The following DCHS1 variants were observed in gnomAD, a reference collection of about 807,000 sequenced individuals.
The protein encoded by DCHS1 is dachsous cadherin-related 1.
A neutral mutation model predicts 213.9 loss-of-function variants in DCHS1; 78 were observed. The observed-to-expected ratio is 0.36, with a 90% CI of 0.30 to 0.44. The LOEUF (loss-of-function observed/expected upper bound fraction) is 0.44. DCHS1 is among the 20% of genes least tolerant of loss of function. DCHS1 has a pLI of 1.00. For synonymous variants in DCHS1, 1,828 were observed against 1,873.7 expected, an observed-to-expected ratio of 0.98 and a Z score of 0.63; for missense variants, 3,946 against 4,395.9, an observed-to-expected ratio of 0.90 and a Z score of 2.89.
Position 6,628,523 on chromosome 11 carries a change from G to A in DCHS1, c.5371+98C>T. ...AGGTGGACGACATCAAGAGGGAAAA[G>A]GAGACCCAGACACATGCACTGAGGC... On this transcript the variant is annotated intron_variant, in intron 13 of 20. Transcript: ENST00000299441. The surrounding 1 kb of genome is among the most constrained non-coding windows in gnomAD (Gnocchi z 4.3). 1.5e-6 allele frequency: 2 copies of A among 1,376,476 alleles called. No individual in the cohort carries two copies. The highest frequency in any genetic ancestry group is 2.1e-6 in the Non-Finnish European group (2 of 974,700). The allele number at this position is 1,376,476 out of a possible 1,614,324, so 85.3% of individuals were successfully genotyped here.
intron 1 of DCHS1, among the ~76,000 whole-genome samples, chr11:6,652,061 G>C (rs1417409298): frequency 2.0e-5 from 3 of 152,192 alleles, no homozygotes; most frequent in Non-Finnish European, 4.4e-5. Context: ...AGAACTTTAA[G>C]GAACAGTGAC....
rs1855805992 is a variant in DCHS1 at position 6,626,457 on chromosome 11, A to C, written c.6365-77T>G. 3 of 1,603,916 alleles carry C rather than the reference A, an allele frequency of 1.9e-6. No homozygotes were observed. The highest frequency in any genetic ancestry group is 2.6e-6 in the Non-Finnish European group (3 of 1,172,968). ...CTCCTTCTCTAAGACCCCTTACTCA[A>C]GGACAGCCCTTCACCCATCAAAGGC... On this transcript the variant is annotated intron_variant, in intron 15 of 20. Coordinates refer to ENST00000299441, the MANE Select transcript of DCHS1 (RefSeq NM_003737.4). This position sits in a 1 kb window ranked among gnomAD's most constrained non-coding sequence, Gnocchi z 5.2.
intron 2 of DCHS1, among the ~76,000 whole-genome samples, chr11:6,637,612 C>T (rs1159505043): frequency 9.9e-5 from 15 of 151,862 alleles, no homozygotes; most frequent in Non-Finnish European, 2.9e-5. Context: ...CCTCTGTGCA[C>T]CTCACCTCTG....
In DCHS1 at chr11:6,633,467, T is replaced by C. The variant is rs747546383; in HGVS notation, c.2400A>G (p.Pro800=). 2 of 1,573,122 alleles carry C rather than the reference T, an allele frequency of 1.3e-6. No homozygotes were observed. The highest frequency in any genetic ancestry group is 2.3e-5 in the East Asian group (1 of 42,846). The change falls in exon 5 of 21, where the codon CCA becomes CCG. Residue 800 remains proline, a synonymous_variant. Coordinates refer to ENST00000299441, the MANE Select transcript of DCHS1 (RefSeq NM_003737.4). The part of the protein sequence containing the change: ...FEQLQYVFSV[P]EDVAPGTSVG... Reference sequence around the variant, plus strand: ...CACTGGTGCCTGGTGCCACATCCTCTGGCACAGAAAAAACATACTGTAGTT... The same window carrying C: ...CACTGGTGCCTGGTGCCACATCCTCCGGCACAGAAAAAACATACTGTAGTT...
chr11:6,626,312 G>C lies in DCHS1; in HGVS notation c.6433C>G (p.Gln2145Glu), dbSNP rs1855803074. ...EVSPRLRLVL[Q>E]AESGGAFAFT... The stretch of plus-strand genomic sequence containing the variant: ...GCAAAGGCTCCTCCACTCTCTGCCT[G>C]CAGCACCAGTCGCAGCCGTGGACTC... Residue 2145 changes from glutamine to glutamate, a missense_variant, in exon 16 of 21, where the codon CAG (glutamine) becomes GAG (glutamate). Physicochemically the swap from Gln to Glu is conservative, Grantham distance 29. Around this residue, in one of 3 missense-constraint regions of DCHS1, gnomAD observed 3,384 missense variants for 3,780.1 expected, o/e 0.90. Coordinates refer to ENST00000299441, the MANE Select transcript of DCHS1 (RefSeq NM_003737.4). The surrounding 1 kb of genome is among the most constrained non-coding windows in gnomAD (Gnocchi z 5.2). The C allele has an allele frequency of 6.2e-7, 1 of 1,613,560 alleles. No individual in the cohort carries two copies. Among genetic ancestry groups the C allele is most frequent in the Non-Finnish European group, 8.5e-7 (1 of 1,179,710 alleles).
Position 6,621,906 on chromosome 11 carries a change from G to C in DCHS1, c.9770C>G (p.Ser3257Cys), listed in dbSNP as rs1855697810. 6.2e-7 allele frequency: 1 copy of C among 1,613,258 alleles called. No homozygotes were observed. The highest frequency in any genetic ancestry group is 8.5e-7 in the Non-Finnish European group (1 of 1,179,558). ...SAAMSPSFSP[S>C]LSPLAARSPV... ...TGAGCGAGCAGCCAGAGGAGACAGA[G>C]AGGGTGAGAAGCTGGGGGACATGGC... is the stretch of plus-strand genomic sequence containing the variant. The change falls in exon 21 of 21, where the codon TCT becomes TGT. Residue 3257 changes from serine (S) to cysteine (C), a missense_variant. By Grantham distance (112) the Ser-to-Cys change is moderately radical (BLOSUM62 -1). Transcript: ENST00000299441.
In DCHS1 at chr11:6,641,567, C is replaced by G. The variant is rs756099590; in HGVS notation, c.47G>C (p.Ser16Thr). Residue 16 changes from serine to threonine, a missense_variant, in exon 2 of 21, where the codon AGC becomes ACC. Physicochemically the swap from Ser to Thr is moderately conservative, Grantham distance 58 (BLOSUM62 1). Coordinates refer to ENST00000299441, the MANE Select transcript of DCHS1 (RefSeq NM_003737.4). The surrounding 1 kb of genome is among the most constrained non-coding windows in gnomAD (Gnocchi z 7.1). The part of the protein sequence containing the change: ...GIVPSCPGMK[S>T]PRPHLLLPLL... ...TGGTAGCAGGAGGTGGGGCCTGGGGCTCTTCATGCCAGGGCAGGAAGGCAC... is the reference window on the plus strand; with the variant it reads ...TGGTAGCAGGAGGTGGGGCCTGGGGGTCTTCATGCCAGGGCAGGAAGGCAC... 10 of 1,550,914 alleles carry G rather than the reference C, an allele frequency of 6.4e-6. No homozygotes were observed. Among genetic ancestry groups the G allele is most frequent in the Admixed American group, 2.0e-5 (1 of 51,008 alleles).
rs1180440423 is a variant in DCHS1, at chr11:6,630,528, C to A, written c.4266G>T (p.Val1422=). 6.5e-7 allele frequency: 1 copy of A among 1,535,520 alleles called. No homozygotes were observed. Among genetic ancestry groups the A allele is most frequent in the African/African-American group, 1.4e-5 (1 of 71,626 alleles). The part of the protein sequence containing the change: ...PGGAGARLLR[V]QVQVQDENEH... ...CATTCTCGTCCTGCACTTGCACCTG[C>A]ACTCGCAGCAGCCGCGCGCCCGCGC... The change falls in exon 10 of 21, where the codon GTG becomes GTT. Residue 1422 remains valine (V), a synonymous_variant. Transcript: ENST00000299441.
chr11:6,622,679 A>G lies in DCHS1; in HGVS notation c.8997T>C (p.Ser2999=). The change falls in exon 21 of 21, where the codon TCT becomes TCC. Residue 2999 remains serine (S), a synonymous_variant. Transcript: ENST00000299441. The surrounding 1 kb of genome is among the most constrained non-coding windows in gnomAD (Gnocchi z 5.4). ...GAAGAGTCTGGTGATAGAGGTGCTCAGAGGGTGGTGGACTAGGTGGCTCCC... is the reference window on the plus strand; with the variant it reads ...GAAGAGTCTGGTGATAGAGGTGCTCGGAGGGTGGTGGACTAGGTGGCTCCC... ...LGREPPSPPP[S]EHLYHQTLPS... 1.3e-6 allele frequency: 2 copies of G among 1,594,550 alleles called. No homozygotes were observed. Among genetic ancestry groups the G allele is most frequent in the Non-Finnish European group, 8.5e-7 (1 of 1,170,844 alleles).
chr11:6,624,640 T>TA, intron 20 of DCHS1, 90 bp downstream of exon 20: 1 of 1,568,954 alleles, frequency 6.4e-7, no homozygotes, highest in East Asian at 2.3e-5. Flanking sequence ...ATCCAGGAGT[T>TA]AAAGAGTTTG....
At chr11:6,629,279 T>C (rs1375344273) in intron 12 of DCHS1, among the ~76,000 whole-genome samples, 173 bp downstream of exon 12, 3 of 152,248 alleles carry the variant, frequency 2.0e-5, no homozygotes, top group Non-Finnish European at 4.4e-5. Flanking sequence ...TAGAAGTCAG[T>C]TGACCTTGCA....
intron 1 of DCHS1, among the ~76,000 whole-genome samples, chr11:6,648,213 G>A (rs748851913): frequency 5.9e-5 from 9 of 152,218 alleles, no homozygotes; most frequent in Non-Finnish European, 1.2e-4. Context: ...GAAAGCTGTG[G>A]CCTTAGAGAC....
At position 6,625,111 on chromosome 11, in the gene DCHS1, C is replaced by A. The variant is rs1855772102; in HGVS notation, c.7146+87G>T. The A allele has an allele frequency of 2.6e-6, 4 of 1,509,576 alleles. No homozygotes were observed. The highest frequency in any genetic ancestry group is 3.6e-6 in the Non-Finnish European group (4 of 1,125,144). 93.5% of individuals were successfully genotyped at this position (1,509,576 alleles called of 1,614,324 possible). On this transcript the variant is annotated intron_variant, in intron 19 of 20. Coordinates refer to ENST00000299441, the MANE Select transcript of DCHS1 (RefSeq NM_003737.4). The surrounding 1 kb of genome is among the most constrained non-coding windows in gnomAD (Gnocchi z 5.3). ...TTCCCAGATCAGCTCCAACGTCCAG[C>A]CCACCTCAGCAGCTGCTAGCTCTGA...
chr11:6,645,482 A>G (rs1398935939), intron 1 of DCHS1, among the ~76,000 whole-genome samples: 2 of 152,226 alleles, frequency 1.3e-5, no homozygotes, highest in African/African-American at 4.8e-5. Flanking sequence ...TCTGTATTAT[A>G]GTTACCTGTC....
rs941594697 is a variant in DCHS1, at chr11:6,634,221, G to T, written c.1883C>A (p.Pro628Gln). 1.9e-6 allele frequency: 3 copies of T among 1,613,766 alleles called. No homozygotes were observed. Among genetic ancestry groups the T allele is most frequent in the Admixed American group, 1.7e-5 (1 of 59,996 alleles). ...GAGLGSSGSPPFRIDAHSGDV... is the reference protein window; with the variant it reads ...GAGLGSSGSPQFRIDAHSGDV... ...ACCGCTGTGGGCATCAATGCGGAAT[G>T]GGGGAGATCCGGAGGACCCAAGTCC... Residue 628 changes from proline to glutamine, a missense_variant, in exon 3 of 21, where the codon CCA becomes CAA. Coordinates refer to ENST00000299441, the MANE Select transcript of DCHS1 (RefSeq NM_003737.4).
Position 6,629,258 on chromosome 11 carries a change from T to C in DCHS1, c.5161+194A>G, listed in dbSNP as rs544695312. Among the ~76,000 whole-genome samples the C allele has an allele frequency of 2.6e-5, 4 of 152,328 alleles. No homozygotes were observed. In the South Asian group the frequency reaches 8.3e-4, roughly 32 times the overall value. On this transcript the variant is annotated intron_variant, in intron 12 of 20. Coordinates refer to ENST00000299441, the MANE Select transcript of DCHS1 (RefSeq NM_003737.4). ...CATTTTAGAATTTGTACGGTCACAG[T>C]TGTGACAGTCTAGAAGTCAGTTGAC...
At chr11:6,645,903 C>T (rs139589356) in intron 1 of DCHS1, among the ~76,000 whole-genome samples, 275 of 152,246 alleles carry the variant, frequency 1.8e-3, no homozygotes, top group African/African-American at 5.8e-3. Flanking sequence ...TACACACGTG[C>T]GCAGAGGCTT....
At position 6,622,250 on chromosome 11, in the gene DCHS1, A is replaced by C. The variant is rs1310821043; in HGVS notation, c.9426T>G (p.Cys3142Trp). 2 of 1,603,272 alleles carry C rather than the reference A, an allele frequency of 1.2e-6. No homozygotes were observed. Among genetic ancestry groups the C allele is most frequent in the South Asian group, 1.1e-5 (1 of 89,722 alleles). The change falls in exon 21 of 21, where the codon TGT (cysteine) becomes TGG (tryptophan). Residue 3142 changes from cysteine (C) to tryptophan (W), a missense_variant. Cys to Trp is a radical substitution (Grantham distance 215). Around this residue, in one of 3 missense-constraint regions of DCHS1, gnomAD observed 554 missense variants for 590.2 expected, o/e 0.94. Transcript: ENST00000299441. This position sits in a 1 kb window ranked among gnomAD's most constrained non-coding sequence, Gnocchi z 5.4. ...CAATGGCTGTCAGCGCACCTGCCAC[A>C]CATGGCTTGCCATCTGCTGGGAAGC... ...DYGFPADGKP[C>W]VAGALTAIVA...
rs949456473 is a variant in DCHS1 at position 6,631,651 on chromosome 11, C to G, written c.3640G>C (p.Ala1214Pro). Residue 1214 changes from alanine to proline, a missense_variant, in exon 7 of 21, where the codon GCT (alanine) becomes CCT (proline). Around this residue, in one of 3 missense-constraint regions of DCHS1, gnomAD observed 3,384 missense variants for 3,780.1 expected, o/e 0.90. Transcript: ENST00000299441. ...AGGCCCCCACCAGCAGCTCCTGAAG[C>G]CTGCAGGAACGTGGGGCTGTTGTCG... ...LNDNSPTFLQASGAAGGGLPI... is the reference protein window; with the variant it reads ...LNDNSPTFLQPSGAAGGGLPI... 19 of 1,597,978 alleles carry G rather than the reference C, an allele frequency of 1.2e-5. No homozygotes were observed. Among genetic ancestry groups the G allele is most frequent in the African/African-American group, 8.1e-5 (6 of 74,448 alleles).
Sources: gnomAD v4.1 joint callset for allele counts (sites outside exome capture counted in the v4.1 genomes callset) on GRCh38, gnomAD v4.1.1 for gene constraint, gnomAD v4.1.1 regional missense constraint, Gnocchi (gnomAD v3.1) non-coding constraint, MANE v1.5 for transcripts, NCBI Gene and HGNC (gene_info 2026-07-23, HGNC 2026-07-21) for gene names.